The following ZDHHC21 variants were observed in gnomAD, a reference collection of about 807,000 sequenced individuals.
The protein encoded by ZDHHC21 is zDHHC palmitoyltransferase 21, also known as palmitoyltransferase ZDHHC21.
ZDHHC21 carries 15 observed loss-of-function variants against 34.6 expected under a neutral mutation model. The observed-to-expected ratio is 0.43, with a 90% confidence interval of 0.29 to 0.67. ZDHHC21 has a LOEUF of 0.67. Among genes scored for constraint, ZDHHC21 ranks in the 30% least tolerant of loss-of-function variants. ZDHHC21 has a pLI of 0.14. For synonymous variants in ZDHHC21, 142 were observed against 101.8 expected (o/e 1.40, Z -2.38); for missense variants, 344 against 327.7 (o/e 1.05, Z -0.38).
chr9:14,685,972 A>G (rs1564406274), intron 2 of ZDHHC21, among the ~76,000 whole-genome samples: 1 of 151,396 alleles, frequency 6.6e-6, no homozygotes. Context: ...ACCAAACACC[A>G]CATGTTCTCA....
At position 14,674,296 on chromosome 9, in the gene ZDHHC21, G is replaced by A. The variant is rs925099458; in HGVS notation, c.45C>T (p.Cys15=). ...AAACAAAGACAATCAAACCCATGCA[G>A]CACCAACCATGTGGGTCAACAACAA... is the stretch of plus-strand genomic sequence containing the variant. ...IHFVVDPHGW[C]CMGLIVFVWL... Residue 15 remains cysteine, a synonymous_variant, in exon 4 of 10, where the codon TGC becomes TGT. Coordinates refer to ENST00000380916, the MANE Select transcript of ZDHHC21 (RefSeq NM_178566.6). 1.9e-6 allele frequency: 3 copies of A among 1,596,884 alleles called. No individual in the cohort carries two copies. Among genetic ancestry groups the A allele is most frequent in the African/African-American group, 2.7e-5 (2 of 73,642 alleles).
intron 9 of ZDHHC21, among the ~76,000 whole-genome samples, 174 bp downstream of exon 9, chr9:14,619,465 T>C (rs1219289469): frequency 6.6e-6 from 1 of 152,120 alleles, no homozygotes; most frequent in Non-Finnish European, 1.5e-5. Context: ...AAAACTACCA[T>C]GGCTGGAAAA....
rs548752675 is a variant in ZDHHC21, at chr9:14,619,491, T to C, written c.665+148A>G. On this transcript the variant is annotated intron_variant, in intron 9 of 9. Coordinates refer to ENST00000380916, the MANE Select transcript of ZDHHC21 (RefSeq NM_178566.6). ...GGCTGGAAAACCCCTACTGTAAGAC[T>C]GGGGTAGCTTGCCTAGCACAGGCCT... 635 of 625,962 alleles carry C rather than the reference T, an allele frequency of 1.0e-3. 17 individuals carry two copies. In the South Asian group the frequency reaches 0.013, roughly 13 times the overall value. 38.8% of individuals were successfully genotyped at this position (625,962 alleles called of 1,614,324 possible). A position where few individuals can be genotyped will look rare whatever the true frequency, so the allele number is the denominator to read the frequency against.
At chr9:14,599,961 C>T in the ZDHHC21 span, among the ~76,000 whole-genome samples, 2 of 152,300 alleles carry the variant, frequency 1.3e-5, no homozygotes, top group African/African-American at 2.4e-5. Flanking sequence ...AATACCCCTT[C>T]ATGCTAAAAA....
rs1253524659 is a variant in ZDHHC21 at position 14,617,011 on chromosome 9, G to A, written c.*1955C>T. 1 of 151,888 alleles carries A rather than the reference G, an allele frequency of 6.6e-6. No homozygotes were observed. Among genetic ancestry groups the A allele is most frequent in the African/African-American group, 2.4e-5 (1 of 41,414 alleles). The allele number at this position is 151,888 out of a possible 1,614,324, so 9.4% of individuals were successfully genotyped here. On this transcript the variant is annotated 3_prime_UTR_variant, in exon 10 of 10. Transcript: ENST00000380916. ...AAATTAGCCACAAAGTTCTTTAGGT[G>A]ATCTTCACTTGGCTCTGCTGTTTTC...
intron 8 of ZDHHC21, among the ~76,000 whole-genome samples, chr9:14,623,566 A>T (rs907885710): frequency 6.6e-6 from 1 of 151,490 alleles, no homozygotes; most frequent in African/African-American, 2.4e-5. Flanking sequence ...AACCTAAAGA[A>T]TGGAAGAAAA....
At chr9:14,647,454 G>C (rs1036293924) in intron 7 of ZDHHC21, among the ~76,000 whole-genome samples, 11 of 152,006 alleles carry the variant, frequency 7.2e-5, no homozygotes, top group Non-Finnish European at 2.9e-5. Context: ...TCTAAGAACT[G>C]TAACTCATAA....
At chr9:14,648,754 T>C (rs910543891) in intron 7 of ZDHHC21, among the ~76,000 whole-genome samples, 2 of 152,092 alleles carry the variant, frequency 1.3e-5, no homozygotes, top group Non-Finnish European at 2.9e-5. Flanking sequence ...CTCAATAATA[T>C]GTACTGAATG....
At chr9:14,672,623 G>C (rs1436933498) in intron 5 of ZDHHC21, among the ~76,000 whole-genome samples, 3 of 152,028 alleles carry the variant, frequency 2.0e-5, no homozygotes, top group African/African-American at 7.2e-5. Flanking sequence ...CAGAAGCCAA[G>C]AGATGGGGTG....
intron 2 of ZDHHC21, 120 bp downstream of exon 2, chr9:14,690,217 C>A: frequency 5.2e-6 from 2 of 382,770 alleles, no homozygotes; most frequent in South Asian, 4.0e-5. Flanking sequence ...ACCCACCACA[C>A]CAAGAGAGAT....
chr9:14,631,563 A>T (rs1337311763), intron 8 of ZDHHC21, among the ~76,000 whole-genome samples: 1 of 152,196 alleles, frequency 6.6e-6, no homozygotes, highest in African/African-American at 2.4e-5. Flanking sequence ...GCAATTTGGC[A>T]CAAGAGGTCT....
chr9:14,631,233 T>G (rs985869879), intron 8 of ZDHHC21, among the ~76,000 whole-genome samples: 12 of 152,232 alleles, frequency 7.9e-5, no homozygotes, highest in African/African-American at 2.9e-4. Context: ...ACATCAGCAC[T>G]TGCTGCTTCA....
chr9:14,622,321 A>C (rs900482822), intron 8 of ZDHHC21, among the ~76,000 whole-genome samples: 14 of 152,134 alleles, frequency 9.2e-5, no homozygotes, highest in South Asian at 8.3e-4. Flanking sequence ...GGGTGATCTT[A>C]CATAAGAAAT....
chr9:14,619,712 G>A (rs1295766605), intron 8 of ZDHHC21, 30 bp from the exon 9 acceptor site: 11 of 1,213,090 alleles, frequency 9.1e-6, no homozygotes, highest in East Asian at 2.8e-5. Context: ...ATATTCAGAT[G>A]TAAGAAAGTT....
the ZDHHC21 span, chr9:14,590,184 G>C: frequency 2.0e-5 from 3 of 152,150 alleles, no homozygotes; most frequent in Non-Finnish European, 4.4e-5. Flanking sequence ...AGGGTTAGCA[G>C]CAGATTAGAC....
At chr9:14,596,795 C>A in the ZDHHC21 span, among the ~76,000 whole-genome samples, 1 of 152,114 alleles carries the variant, frequency 6.6e-6, no homozygotes, top group Non-Finnish European at 1.5e-5. Flanking sequence ...GCTAGAGGTA[C>A]GTGGCACTTG....
intron 7 of ZDHHC21, among the ~76,000 whole-genome samples, chr9:14,656,426 T>C (rs1477078358): frequency 2.0e-5 from 3 of 151,940 alleles, no homozygotes; most frequent in African/African-American, 4.8e-5. Context: ...TGATAATATG[T>C]ATGAATTACT....
At chr9:14,628,342 A>C (rs1826677321) in intron 8 of ZDHHC21, among the ~76,000 whole-genome samples, 1 of 152,218 alleles carries the variant, frequency 6.6e-6, no homozygotes, top group Non-Finnish European at 1.5e-5. Flanking sequence ...ATCAACAGGA[A>C]GATGAGATAA....
intron 6 of ZDHHC21, among the ~76,000 whole-genome samples, chr9:14,659,235 G>A (rs935017281): frequency 2.0e-5 from 3 of 152,064 alleles, no homozygotes; most frequent in African/African-American, 7.2e-5. Flanking sequence ...GAAGACATAG[G>A]GGCCAAGAGA....
Sources: gnomAD v4.1 joint callset for allele counts (sites outside exome capture counted in the v4.1 genomes callset) on GRCh38, gnomAD v4.1.1 for gene constraint, MANE v1.5 for transcripts, NCBI Gene and HGNC (gene_info 2026-07-23, HGNC 2026-07-21) for gene names.